Variants in LMF1 observed in about 807,000 individuals in gnomAD.
The protein encoded by LMF1 is transmembrane protein 112.
A neutral mutation model predicts 60.6 loss-of-function variants in LMF1; 68 were observed. The observed-to-expected ratio is 1.12, with a 90% CI of 0.92 to 1.37. The LOEUF is 1.37. Ranked by LOEUF, LMF1 falls within the 40% of genes most tolerant of loss-of-function variation. LMF1 has a pLI of 0.00. For missense variants in LMF1, 948 were observed against 767.2 expected, an observed-to-expected ratio of 1.24 and a Z score of -2.78; for synonymous variants, 418 against 324.7, an observed-to-expected ratio of 1.29 and a Z score of -3.09.
At chr16:976,417 A>G (rs758360934) in intron 1 of LMF1, 1 of 454,140 alleles carries the variant, frequency 2.2e-6, no homozygotes, top group South Asian at 1.6e-5. Context: ...GGTTAGGGAC[A>G]GGATTTACTG....
At chr16:861,037 G>T (rs1166818707) in intron 10 of LMF1, among the ~76,000 whole-genome samples, 1 of 151,684 alleles carries the variant, frequency 6.6e-6, no homozygotes, top group Non-Finnish European at 1.5e-5. Context: ...AATAGGAATT[G>T]CATTAAACCT....
intron 1 of LMF1, chr16:979,059 G>C (rs2151512545): frequency 4.4e-6 from 2 of 454,030 alleles, no homozygotes; most frequent in Non-Finnish European, 8.8e-6. Context: ...GCCAGCGTCT[G>C]CAGGGCAGGA....
intron 3 of LMF1, among the ~76,000 whole-genome samples, chr16:925,591 C>T (rs1222909652): frequency 1.3e-5 from 2 of 152,098 alleles, no homozygotes; most frequent in Middle Eastern, 3.4e-3. Flanking sequence ...AAAAATTAAT[C>T]GGGTGTGGTG....
At chr16:877,814 C>T (rs1300920434) in intron 6 of LMF1, among the ~76,000 whole-genome samples, 1 of 152,158 alleles carries the variant, frequency 6.6e-6, no homozygotes, top group Non-Finnish European at 1.5e-5. Flanking sequence ...TCTGAGGGAC[C>T]CGCAGACAGA....
At chr16:930,916 T>A (rs913270559) in intron 3 of LMF1, among the ~76,000 whole-genome samples, 6 of 151,408 alleles carry the variant, frequency 4.0e-5, no homozygotes, top group African/African-American at 9.7e-5. Flanking sequence ...AGGTCAGGAG[T>A]TGGAGACCAG....
chr16:976,715 G>A lies in LMF1; in HGVS notation c.-135+4430C>T, dbSNP rs778478224. The A allele has an allele frequency of 8.6e-5, 39 of 454,042 alleles. No individual in the cohort carries two copies. The Middle Eastern group carries it at 3.4e-3, about 40-fold the overall frequency. The allele number at this position is 454,042 out of a possible 1,614,324, so 28.1% of individuals were successfully genotyped here. ...CTTGGGGACCCGCTCCCAGCCTGGA[G>A]TGACGGACGCTGAGCAGCAGGAGCA... On this transcript the variant is annotated intron_variant, in intron 1 of 6. Coordinates refer to the LMF1 transcript ENST00000570014.
At chr16:945,738 G>A (rs2151456026) in intron 2 of LMF1, among the ~76,000 whole-genome samples, 1 of 152,306 alleles carries the variant, frequency 6.6e-6, no homozygotes. Context: ...TCTATTTGGA[G>A]AAGTAGAAGG....
intron 5 of LMF1, chr16:883,654 T>C (rs1291372798): frequency 1.3e-5 from 2 of 152,110 alleles, no homozygotes; most frequent in Non-Finnish European, 2.9e-5. Flanking sequence ...CCTGGAGAGG[T>C]ACAGAAACAA....
intron 3 of LMF1, among the ~76,000 whole-genome samples, chr16:932,247 C>A (rs1436555181): frequency 6.6e-6 from 1 of 152,204 alleles, no homozygotes; most frequent in Non-Finnish European, 1.5e-5. Context: ...GGAGGGTGGG[C>A]TCCAGGCCCT....
rs749523296 is a variant in LMF1, at chr16:871,271, A to T, written c.968T>A (p.Phe323Tyr). The T allele has an allele frequency of 6.2e-7, 1 of 1,612,478 alleles. No individual in the cohort carries two copies. Among genetic ancestry groups the T allele is most frequent in the African/African-American group, 1.3e-5 (1 of 74,954 alleles). The change falls in exon 7 of 11, where the codon TTT becomes TAT. Residue 323 changes from phenylalanine (F) to tyrosine (Y), a missense_variant. By Grantham distance (22) the Phe-to-Tyr change is conservative. Transcript: ENST00000262301. ...CAAGAATCCCAGGGTGGCGTCATCA[A>T]AGCAGGCCAGGCTGGGCACCATAGT... ...WLTMVPSLAC[F>Y]DDATLGFLFP... is the part of the protein sequence containing the mutation.
intron 10 of LMF1, among the ~76,000 whole-genome samples, chr16:864,918 G>A (rs1164058440): frequency 6.6e-6 from 1 of 152,042 alleles, no homozygotes; most frequent in Non-Finnish European, 1.5e-5. Context: ...CACTGCACCT[G>A]GCCAATCTTT....
chr16:916,173 G>A (rs905721863), intron 3 of LMF1, among the ~76,000 whole-genome samples: 34 of 152,178 alleles, frequency 2.2e-4, no homozygotes, highest in Non-Finnish European at 1.3e-4. Context: ...AACGCCAGCT[G>A]AGGCCTCATT....
intron 3 of LMF1, chr16:934,024 CCGTCTCTAGGTGCCCG>C (rs2071867753): frequency 2.0e-6 from 3 of 1,501,584 alleles, no homozygotes; most frequent in Non-Finnish European, 2.7e-6. Context: ...GTGCGACCAT[CCGTCTCTAGGTGCCCG>C]GGGCCTGGAA....
At chr16:976,962 G>T (rs770001166) in intron 1 of LMF1, 1 of 453,846 alleles carries the variant, frequency 2.2e-6, no homozygotes, top group South Asian at 1.6e-5. Context: ...AGATGGGGAG[G>T]GCTGGGCTGG....
chr16:908,785 C>T (rs2071032800), intron 4 of LMF1, among the ~76,000 whole-genome samples: 1 of 152,258 alleles, frequency 6.6e-6, no homozygotes, highest in African/African-American at 2.4e-5. Flanking sequence ...TCCCCACAGC[C>T]CCAGAAAACC....
intron 3 of LMF1, among the ~76,000 whole-genome samples, chr16:913,177 C>A (rs1020322703): frequency 6.6e-6 from 1 of 152,232 alleles, no homozygotes; most frequent in Non-Finnish European, 1.5e-5. Flanking sequence ...GCCAGGGGGA[C>A]GGCTCCGGGA....
chr16:892,204 A>G (rs11860532), intron 5 of LMF1, among the ~76,000 whole-genome samples: 60,647 of 152,106 alleles, frequency 0.4, 13,730 homozygotes, highest in African/African-American at 0.61. Flanking sequence ...TGAGACAGCC[A>G]TCACTGGCTG....
chr16:928,384 C>A (rs2071672804), intron 3 of LMF1, among the ~76,000 whole-genome samples: 1 of 152,184 alleles, frequency 6.6e-6, no homozygotes. Flanking sequence ...GATAAACCAA[C>A]CATTCATCAA....
intron 5 of LMF1, chr16:886,880 C>T (rs1283400065): frequency 1.5e-5 from 2 of 131,920 alleles, no homozygotes; most frequent in East Asian, 4.4e-4. Flanking sequence ...CCCTAGGCCC[C>T]CGGCATTCCC....
Sources: gnomAD v4.1 joint callset for allele counts (sites outside exome capture counted in the v4.1 genomes callset) on GRCh38, gnomAD v4.1.1 for gene constraint, MANE v1.5 for transcripts, NCBI Gene and HGNC (gene_info 2026-07-23, HGNC 2026-07-21) for gene names.